Variants in MAPK8IP3 observed in about 807,000 individuals in gnomAD.
MAPK8IP3 encodes C-Jun-amino-terminal kinase-interacting protein 3.
MAPK8IP3 carries 49 observed loss-of-function variants against 157.8 expected under a neutral mutation model. The ratio of observed to expected loss-of-function variants is 0.31; its 90% CI spans 0.25 to 0.39. The LOEUF (loss-of-function observed/expected upper bound fraction) is 0.39, where lower values mean the gene tolerates loss of function less well. Among genes scored for constraint, MAPK8IP3 ranks in the 10% least tolerant of loss-of-function variants. MAPK8IP3 has a pLI of 1.00. For synonymous variants in MAPK8IP3, 897 were observed against 777.7 expected, an observed-to-expected ratio of 1.15 and a Z score of -2.55; for missense variants, 1,478 against 1,889.4, an observed-to-expected ratio of 0.78 and a Z score of 4.04.
intron 9 of MAPK8IP3, 116 bp from the exon 10 acceptor site, chr16:1,758,862 C>A: frequency 8.8e-7 from 1 of 1,133,478 alleles, no homozygotes; most frequent in South Asian, 1.3e-5. Flanking sequence ...AGACCCAGCT[C>A]TGAATTCCTC....
At position 1,767,313 on chromosome 16, in the gene MAPK8IP3, G is replaced by A. The variant is rs2042328798; in HGVS notation, c.3237+16G>A. 1.2e-6 allele frequency: 2 copies of A among 1,612,334 alleles called. No individual in the cohort carries two copies. The highest frequency in any genetic ancestry group is 1.7e-6 in the Non-Finnish European group (2 of 1,179,692). ...GCAGATAGAGGCGAGTGCCGGCCAG[G>A]GCCCCGGGGAGGGGAAGAGGCTCCT... On this transcript the variant is annotated intron_variant, in intron 26 of 31. Coordinates refer to ENST00000610761, the MANE Select transcript of MAPK8IP3 (RefSeq NM_001318852.2).
Position 1,767,215 on chromosome 16 carries a change from G to T in MAPK8IP3, c.3155G>T (p.Cys1052Phe), listed in dbSNP as rs1393847583. The T allele has an allele frequency of 6.2e-7, 1 of 1,613,468 alleles. No individual in the cohort carries two copies. Among genetic ancestry groups the T allele is most frequent in the Non-Finnish European group, 8.5e-7 (1 of 1,180,028 alleles). ...GGCCACCCGCACCACTCCATCCGCT[G>T]CATGGCTGTTGTGTACGACCGCGTG... ...DLGHPHHSIR[C>F]MAVVYDRVWC... Residue 1052 changes from cysteine to phenylalanine, a missense_variant, in exon 26 of 32, where the codon TGC becomes TTC. By Grantham distance (205) the Cys-to-Phe change is radical. This residue lies in a region of MAPK8IP3 where 669 missense variants were observed against 759.8 expected (regional missense o/e 0.88). Transcript: ENST00000610761.
intron 8 of MAPK8IP3, among the ~76,000 whole-genome samples, chr16:1,755,992 C>T (rs1424851909): frequency 1.3e-5 from 2 of 151,956 alleles, no homozygotes; most frequent in African/African-American, 4.8e-5. Context: ...ATAAGACAAT[C>T]GAGGCTGACT....
In MAPK8IP3 at chr16:1,742,193, G is replaced by T. The variant is rs942439893; in HGVS notation, c.603-1139G>T. ...CCAGACCTGAGGAGGTGAGGAGCCA[G>T]CCTGGCCTCTGGGACCTCTGGGCTG... On this transcript the variant is annotated intron_variant, in intron 4 of 31. Transcript: ENST00000610761. The surrounding 1 kb of genome is among the most constrained non-coding windows in gnomAD (Gnocchi z 5.0). Among the ~76,000 whole-genome samples the T allele has an allele frequency of 3.3e-5, 5 of 152,192 alleles. No individual in the cohort carries two copies. Among genetic ancestry groups the T allele is most frequent in the Non-Finnish European group, 7.4e-5 (5 of 68,024 alleles).
chr16:1,717,131 G>C, intron 1 of MAPK8IP3, among the ~76,000 whole-genome samples: 1 of 151,658 alleles, frequency 6.6e-6, no homozygotes, highest in East Asian at 1.9e-4. Flanking sequence ...AGGAGACTGG[G>C]AGGCTGAGGC....
At chr16:1,750,667 C>T (rs2041238538) in intron 8 of MAPK8IP3, among the ~76,000 whole-genome samples, 1 of 147,942 alleles carries the variant, frequency 6.8e-6, no homozygotes, top group African/African-American at 2.5e-5. Context: ...TTTTTTGAGA[C>T]GGAGTCCCAC....
At chr16:1,739,465 C>A (rs1282284863) in intron 4 of MAPK8IP3, among the ~76,000 whole-genome samples, 1 of 95,796 alleles carries the variant, frequency 1.0e-5, no homozygotes, top group Non-Finnish European at 2.0e-5. Flanking sequence ...TGTGAGCTTC[C>A]GTGTGACCGT....
intron 4 of MAPK8IP3, among the ~76,000 whole-genome samples, chr16:1,739,440 C>A (rs1357758065): frequency 8.6e-6 from 1 of 116,330 alleles, no homozygotes; most frequent in African/African-American, 3.4e-5. Flanking sequence ...GTGTGAGCCT[C>A]CGTGTGACCG....
intron 5 of MAPK8IP3, chr16:1,744,787 C>T: frequency 1.0e-6 from 1 of 985,472 alleles, no homozygotes; most frequent in Non-Finnish European, 1.2e-6. Flanking sequence ...GACATCGTCG[C>T]TCTCTTCATA....
At chr16:1,765,820 G>T (rs948908241) in intron 20 of MAPK8IP3, 140 bp from the exon 21 acceptor site, 2 of 761,906 alleles carry the variant, frequency 2.6e-6, no homozygotes, top group South Asian at 3.4e-5. Context: ...GTGGGCTGTG[G>T]GTGGAGCATG....
At chr16:1,758,101 T>C in intron 8 of MAPK8IP3, 47 bp from the exon 9 acceptor site, 1 of 1,609,920 alleles carries the variant, frequency 6.2e-7, no homozygotes, top group Non-Finnish European at 8.5e-7. Context: ...TAATTGACCT[T>C]TGTCCCTTCC....
chr16:1,719,323 A>C (rs1015237637), intron 1 of MAPK8IP3, among the ~76,000 whole-genome samples: 21 of 152,332 alleles, frequency 1.4e-4, no homozygotes, highest in African/African-American at 5.0e-4. Context: ...TAAGGGACAG[A>C]GACCTGGTGC....
At chr16:1,711,893 T>C (rs939527494) in intron 1 of MAPK8IP3, among the ~76,000 whole-genome samples, 6 of 148,952 alleles carry the variant, frequency 4.0e-5, no homozygotes, top group Non-Finnish European at 8.9e-5. Context: ...TGAGCCGAGA[T>C]TGCAACGCTA....
At chr16:1,737,114 CTG>C (rs1350999161) in intron 4 of MAPK8IP3, among the ~76,000 whole-genome samples, 6 of 58,426 alleles carry the variant, frequency 1.0e-4, no homozygotes, top group African/African-American at 3.4e-4. Flanking sequence ...ATGTGAGCAT[CTG>C]TGTGACCGTC....
intron 4 of MAPK8IP3, among the ~76,000 whole-genome samples, chr16:1,739,211 C>G (rs1445278725): frequency 1.0e-4 from 11 of 108,612 alleles, no homozygotes; most frequent in African/African-American, 1.8e-4. Context: ...TGTGAGCGTC[C>G]GTGTGAGCGT....
At chr16:1,736,153 ACCGT>A (rs1227061221) in intron 4 of MAPK8IP3, among the ~76,000 whole-genome samples, 6 of 117,770 alleles carry the variant, frequency 5.1e-5, no homozygotes, top group Non-Finnish European at 1.0e-4. Flanking sequence ...CATCTGTGTG[ACCGT>A]CCGTGTGAGC....
In MAPK8IP3 at chr16:1,716,931, C is replaced by T. The variant is rs377017726; in HGVS notation, c.319-7626C>T. On this transcript the variant is annotated intron_variant, in intron 1 of 31. Coordinates refer to ENST00000610761, the MANE Select transcript of MAPK8IP3 (RefSeq NM_001318852.2). ...AAAATTAGCCGCGTGTGGTGGTGGG[C>T]GCCTGTGATCCCATCTACTCAGGAT... 2.0e-5 allele frequency among the ~76,000 whole-genome samples: 3 copies of T among 151,580 alleles called. No homozygotes were observed. In the South Asian group the frequency reaches 6.3e-4, roughly 32 times the overall value.
At position 1,751,207 on chromosome 16, in the gene MAPK8IP3, G is replaced by A. The variant is rs1416672486; in HGVS notation, c.1216+2487G>A. On this transcript the variant is annotated intron_variant, in intron 8 of 31. Transcript: ENST00000610761. This position sits in a 1 kb window ranked among gnomAD's most constrained non-coding sequence, Gnocchi z 5.0. ...ACAGTGGCTCATGCCCGTAATCCCA[G>A]CACTTTGGGAGGCCGAGGCGGGTGG... 1.3e-5 allele frequency among the ~76,000 whole-genome samples: 2 copies of A among 152,034 alleles called. No individual in the cohort carries two copies. Among genetic ancestry groups the A allele is most frequent in the Non-Finnish European group, 2.9e-5 (2 of 68,002 alleles).
At chr16:1,736,201 T>TCC (rs1567163540) in intron 4 of MAPK8IP3, among the ~76,000 whole-genome samples, 11 of 93,940 alleles carry the variant, frequency 1.2e-4, no homozygotes, top group Admixed American at 2.5e-4. Flanking sequence ...CGTGTGAGCA[T>TCC]GTGTGACCAT....
Sources: allele counts gnomAD v4.1 joint callset (sites outside exome capture counted in the v4.1 genomes callset), GRCh38; gene constraint gnomAD v4.1.1; regional missense constraint gnomAD v4.1.1; non-coding constraint Gnocchi (gnomAD v3.1); transcripts MANE v1.5; gene names NCBI Gene and HGNC (gene_info 2026-07-23, HGNC 2026-07-21).